Variants in CSMD1 observed in about 807,000 individuals in gnomAD.
CSMD1 encodes CUB and Sushi multiple domains 1.
Under a neutral mutation model 417.5 loss-of-function variants are expected in CSMD1, and 213 were observed. The observed-to-expected ratio is 0.51, with a 90% confidence interval of 0.46 to 0.57. CSMD1 has a LOEUF of 0.57. Ranked by LOEUF, CSMD1 falls within the 20% of genes least tolerant of loss-of-function variation. The probability of loss-of-function intolerance (pLI) is 0.00; values close to 1 mark genes in which losing one functional copy is unlikely to be tolerated. For missense variants in CSMD1, 6,923 were observed against 4,529.7 expected (o/e 1.53, Z -15.17); for synonymous variants, 2,862 against 1,736.8 (o/e 1.65, Z -16.11).
Position 3,937,703 on chromosome 8 carries a change from T to C in CSMD1, c.818+60200A>G, listed in dbSNP as rs181171623. On this transcript the variant is annotated intron_variant, in intron 5 of 69. Coordinates refer to ENST00000635120, the MANE Select transcript of CSMD1 (RefSeq NM_033225.6). ...CATATCAATAACTACAGACATCTTA[T>C]CAGACATTATAGTTTCCACATTAGT... Among the ~76,000 whole-genome samples the C allele has an allele frequency of 4.1e-3, 625 of 152,280 alleles. 2 individuals carry two copies. Among genetic ancestry groups the C allele is most frequent in the African/African-American group, 0.014 (598 of 41,574 alleles).
At chr8:4,917,955 G>C (rs756989333) in intron 1 of CSMD1, among the ~76,000 whole-genome samples, 22 of 152,160 alleles carry the variant, frequency 1.4e-4, no homozygotes, top group South Asian at 4.1e-4. Flanking sequence ...AATATGCTAA[G>C]GTCTATTTAG....
chr8:4,453,437 G>T (rs1163243940), intron 2 of CSMD1, among the ~76,000 whole-genome samples: 1 of 152,162 alleles, frequency 6.6e-6, no homozygotes, highest in Non-Finnish European at 1.5e-5. Flanking sequence ...TTAGTCACCC[G>T]TGTGTTGGTG....
intron 52 of CSMD1, among the ~76,000 whole-genome samples, chr8:3,016,084 A>C (rs1225392947): frequency 6.6e-6 from 1 of 152,200 alleles, no homozygotes. Flanking sequence ...TTTCTTTCTT[A>C]TCTGCAGGTC....
intron 1 of CSMD1, among the ~76,000 whole-genome samples, chr8:4,764,121 T>C (rs1049173717): frequency 2.0e-5 from 3 of 152,214 alleles, no homozygotes; most frequent in Non-Finnish European, 2.9e-5. Flanking sequence ...CTACTTTATA[T>C]GAGATTTCGC....
chr8:4,177,904 C>A (rs1358058473), intron 3 of CSMD1, among the ~76,000 whole-genome samples: 1 of 151,756 alleles, frequency 6.6e-6, no homozygotes, highest in Non-Finnish European at 1.5e-5. Flanking sequence ...TCTGAATAGA[C>A]CAATAACAGG....
chr8:3,993,165 C>T (rs1404224721), intron 5 of CSMD1, among the ~76,000 whole-genome samples: 1 of 152,206 alleles, frequency 6.6e-6, no homozygotes, highest in Non-Finnish European at 1.5e-5. Context: ...GTAAGATGTT[C>T]ACATGAAGGA....
chr8:4,274,259 C>A (rs961924656), intron 3 of CSMD1, among the ~76,000 whole-genome samples: 2 of 152,074 alleles, frequency 1.3e-5, no homozygotes, highest in Non-Finnish European at 2.9e-5. Flanking sequence ...TAACACTATA[C>A]TTCTTCTAGC....
intron 5 of CSMD1, among the ~76,000 whole-genome samples, chr8:3,921,428 C>T (rs975615239): frequency 7.2e-5 from 11 of 152,010 alleles, no homozygotes; most frequent in Non-Finnish European, 1.6e-4. Flanking sequence ...TTTCTTTCTT[C>T]TATTAACTTT....
chr8:4,454,885 G>A (rs1406993589), intron 2 of CSMD1, among the ~76,000 whole-genome samples: 2 of 152,126 alleles, frequency 1.3e-5, no homozygotes, highest in Non-Finnish European at 2.9e-5. Context: ...ATGGCGTCCT[G>A]TGATACACCT....
At chr8:3,310,502 A>C (rs926580794) in intron 23 of CSMD1, among the ~76,000 whole-genome samples, 1 of 152,132 alleles carries the variant, frequency 6.6e-6, no homozygotes, top group East Asian at 1.9e-4. Context: ...TATTAATAAC[A>C]AACAATCTTC....
At chr8:3,462,073 C>G (rs1816539523) in intron 12 of CSMD1, among the ~76,000 whole-genome samples, 1 of 151,834 alleles carries the variant, frequency 6.6e-6, no homozygotes, top group Non-Finnish European at 1.5e-5. Flanking sequence ...TAGTGCTGGG[C>G]TGTATTTGAT....
intron 1 of CSMD1, among the ~76,000 whole-genome samples, chr8:4,877,991 C>A (rs1192688867): frequency 6.6e-6 from 1 of 152,078 alleles, no homozygotes; most frequent in Non-Finnish European, 1.5e-5. Flanking sequence ...ACACCCATGA[C>A]CCTGTTCAGA....
At chr8:3,838,826 T>C (rs1312669117) in intron 5 of CSMD1, among the ~76,000 whole-genome samples, 1 of 100,484 alleles carries the variant, frequency 1.0e-5, no homozygotes, top group Non-Finnish European at 1.8e-5. Flanking sequence ...ATACTATTAA[T>C]ATATAATATT....
Position 3,160,418 on chromosome 8 carries a change from C to T in CSMD1, c.5844+1741G>A, listed in dbSNP as rs139481463. 2.4e-3 allele frequency among the ~76,000 whole-genome samples: 360 copies of T among 152,232 alleles called. 4 individuals carry two copies. The highest frequency in any genetic ancestry group is 8.2e-3 in the African/African-American group (340 of 41,546). ...GATTACAGGTGTGAGCCACTGCAACCGGCCTAGGATAATTCTTTCTGACAT... is the reference window on the plus strand; with the variant it reads ...GATTACAGGTGTGAGCCACTGCAACTGGCCTAGGATAATTCTTTCTGACAT... On this transcript the variant is annotated intron_variant, in intron 38 of 69. Transcript: ENST00000635120.
At chr8:3,915,193 G>C (rs567730575) in intron 5 of CSMD1, among the ~76,000 whole-genome samples, 1 of 152,020 alleles carries the variant, frequency 6.6e-6, no homozygotes, top group African/African-American at 2.4e-5. Context: ...ACCACCTAAG[G>C]TCAGGATTTC....
In CSMD1 at chr8:3,029,462, C is replaced by A; in HGVS notation, c.7712G>T (p.Arg2571Met). The part of the protein sequence containing the change: ...EAQLSEHVIW[R>M]LVSGSLNEYG... ...CTCATTCAAGGATCCTGAAACCAGC[C>A]TCCAGATGACATGTTCTGAGAGCTG... The change falls in exon 51 of 70, where the codon AGG (arginine) becomes ATG (methionine). Residue 2571 changes from arginine (R) to methionine (M), a missense_variant. Arg to Met is a moderately conservative substitution (Grantham distance 91). Coordinates refer to ENST00000635120, the MANE Select transcript of CSMD1 (RefSeq NM_033225.6). 2 of 1,607,566 alleles carry A rather than the reference C, an allele frequency of 1.2e-6. No individual in the cohort carries two copies. Among genetic ancestry groups the A allele is most frequent in the Non-Finnish European group, 1.7e-6 (2 of 1,177,120 alleles).
At chr8:4,219,183 G>A (rs1024762483) in intron 3 of CSMD1, among the ~76,000 whole-genome samples, 9 of 152,096 alleles carry the variant, frequency 5.9e-5, no homozygotes, top group African/African-American at 2.2e-4. Context: ...CCCCTCCCGT[G>A]TTCTGCAGAA....
intron 42 of CSMD1, among the ~76,000 whole-genome samples, chr8:3,112,481 C>T (rs887675505): frequency 6.6e-6 from 1 of 152,196 alleles, no homozygotes; most frequent in African/African-American, 2.4e-5. Context: ...AGAACACATT[C>T]CTGATTCCAG....
chr8:4,274,988 T>C (rs1346768086), intron 3 of CSMD1, among the ~76,000 whole-genome samples: 3 of 152,186 alleles, frequency 2.0e-5, no homozygotes, highest in Admixed American at 2.0e-4. Context: ...GTGTGTGGTA[T>C]AGAATGACAG....
Sources: allele counts gnomAD v4.1 joint callset (sites outside exome capture counted in the v4.1 genomes callset), GRCh38; gene constraint gnomAD v4.1.1; transcripts MANE v1.5; gene names NCBI Gene and HGNC (gene_info 2026-07-23, HGNC 2026-07-21).